CECR2: variants seen among roughly 807,000 people sequenced by gnomAD.
The protein encoded by CECR2 is chromatin remodeling regulator CECR2.
CECR2 carries 30 observed loss-of-function variants against 154.5 expected under a neutral mutation model. The ratio of observed to expected loss-of-function variants is 0.19; its 90% confidence interval spans 0.15 to 0.26. The LOEUF (loss-of-function observed/expected upper bound fraction) is 0.26. Ranked by LOEUF, CECR2 falls within the 10% of genes least tolerant of loss-of-function variation. CECR2 has a pLI of 1.00. For synonymous variants in CECR2, 725 were observed against 683.7 expected (o/e 1.06, Z -0.94); for missense variants, 1,743 against 1,829.3 (o/e 0.95, Z 0.86).
chr22:17,396,488 G>A (rs2053813706), intron 1 of CECR2, among the ~76,000 whole-genome samples: 1 of 152,132 alleles, frequency 6.6e-6, no homozygotes, highest in African/African-American at 2.4e-5. Flanking sequence ...CGGAGGTTGC[G>A]GTGAGCCGGG....
chr22:17,475,184 A>C (rs1028705987), intron 1 of CECR2, among the ~76,000 whole-genome samples: 2 of 152,176 alleles, frequency 1.3e-5, no homozygotes, highest in Non-Finnish European at 2.9e-5. Flanking sequence ...AAAGAACTGC[A>C]GTACAGTTCA....
intron 1 of CECR2, among the ~76,000 whole-genome samples, chr22:17,470,713 C>T (rs572784473): frequency 5.5e-4 from 84 of 152,254 alleles, no homozygotes; most frequent in Admixed American, 2.9e-3. Flanking sequence ...GTGTCTGAAA[C>T]TGTTCTTTCA....
chr22:17,529,850 ATACT>A (rs1199572645), intron 9 of CECR2, among the ~76,000 whole-genome samples: 2 of 152,244 alleles, frequency 1.3e-5, no homozygotes, highest in Non-Finnish European at 2.9e-5. Flanking sequence ...AAGCCATAAG[ATACT>A]TACAATAACC....
rs78100851 is a variant in CECR2, at chr22:17,452,488, G to A, written c.127-25100G>A. Among the ~76,000 whole-genome samples, 884 of 152,288 alleles carry A rather than the reference G, an allele frequency of 5.8e-3. 5 individuals are homozygous for A. The highest frequency in any genetic ancestry group is 0.02 in the Middle Eastern group (6 of 294). On this transcript the variant is annotated intron_variant, in intron 1 of 18. Transcript: ENST00000262608. ...TAGGGGAAAAAATGTGGTAGTGGAG[G>A]TAGAGGTAGTGAAAATCAGTCTCTT... is the stretch of plus-strand genomic sequence containing the variant.
intron 1 of CECR2, among the ~76,000 whole-genome samples, chr22:17,395,145 CTT>C (rs1458355026): frequency 1.3e-5 from 2 of 152,074 alleles, no homozygotes; most frequent in African/African-American, 4.8e-5. Flanking sequence ...CACTTATGTA[CTT>C]TTTGTCACTG....
chr22:17,393,467 T>A (rs771782684), intron 1 of CECR2, among the ~76,000 whole-genome samples: 10 of 152,258 alleles, frequency 6.6e-5, no homozygotes, highest in Non-Finnish European at 1.2e-4. Context: ...TAAATAATGC[T>A]GCTCTAAACA....
rs1156228969 is a variant in CECR2 at position 17,494,245 on chromosome 22, T to C, written c.222-3158T>C. ...CAGAGTAGCTGGGATTACAGGCATA[T>C]GCCACCACAACCGGCTAATTTTGTA... On this transcript the variant is annotated intron_variant, in intron 2 of 18. Transcript: ENST00000262608. Among the ~76,000 whole-genome samples the C allele has an allele frequency of 3.9e-5, 6 of 152,236 alleles. No individual in the cohort carries two copies. In the East Asian group the frequency reaches 1.2e-3, roughly 29 times the overall value.
intron 18 of CECR2, 57 bp from the exon 19 acceptor site, chr22:17,552,778 T>G (rs1433006050): frequency 7.5e-7 from 1 of 1,336,420 alleles, no homozygotes; most frequent in South Asian, 1.3e-5. Flanking sequence ...ACTTAAGTTT[T>G]TTTTTTTTTA....
chr22:17,378,954 A>T (rs1007934368), intron 1 of CECR2, among the ~76,000 whole-genome samples: 2 of 151,838 alleles, frequency 1.3e-5, no homozygotes, highest in African/African-American at 2.4e-5. Context: ...TGTTTTGTTA[A>T]TTTTTTTCTT....
At chr22:17,551,551 C>CT (rs2056708519) in intron 17 of CECR2, among the ~76,000 whole-genome samples, 1 of 152,120 alleles carries the variant, frequency 6.6e-6, no homozygotes, top group Non-Finnish European at 1.5e-5. Flanking sequence ...TGGTTCATAC[C>CT]TATAATCCCA....
rs759436015 is a variant in CECR2, at chr22:17,542,654, A to C, written c.2511A>C (p.Ser837=). The C allele has an allele frequency of 3.5e-5, 56 of 1,613,892 alleles. No individual in the cohort carries two copies. The highest frequency in any genetic ancestry group is 4.6e-5 in the Non-Finnish European group (54 of 1,179,900). ...SGFLPHGVPS[S]GYMRPPCKSA... is the part of the protein sequence containing the mutation. ...TCCTACCTCATGGAGTTCCTTCCTC[A>C]GGGTACATGCGACCGCCCTGCAAGT... Residue 837 remains serine (S), a synonymous_variant, in exon 16 of 19, where the codon TCA becomes TCC. Coordinates refer to ENST00000262608, the MANE Select transcript of CECR2 (RefSeq NM_001290047.2).
chr22:17,413,913 G>A (rs1287437701), intron 1 of CECR2, among the ~76,000 whole-genome samples: 5 of 150,234 alleles, frequency 3.3e-5, no homozygotes, highest in Non-Finnish European at 7.4e-5. Context: ...ACCTGACCTT[G>A]TGATCCGCCC....
rs2082568570 is a variant in CECR2 at position 17,557,825 on chromosome 22, C to G, written c.*4985C>G. On this transcript the variant is annotated 3_prime_UTR_variant, in exon 19 of 19. Coordinates refer to ENST00000262608, the MANE Select transcript of CECR2 (RefSeq NM_001290047.2). The stretch of plus-strand genomic sequence containing the variant: ...CCTCACTCTCCTGCCTTGTGCGTAG[C>G]TCCTGGGGCCCCGGTCAGTCCCCAG... The G allele has an allele frequency of 6.6e-6, 1 of 152,228 alleles. No individual in the cohort carries two copies. The allele number at this position is 152,228 out of a possible 1,614,324, so 9.4% of individuals were successfully genotyped here.
At chr22:17,402,237 G>T (rs888893633) in intron 1 of CECR2, among the ~76,000 whole-genome samples, 1 of 152,104 alleles carries the variant, frequency 6.6e-6, no homozygotes, top group Admixed American at 6.5e-5. Flanking sequence ...CACCTGCCTC[G>T]GCCTCCCAAA....
At chr22:17,481,803 G>T (rs531724582) in intron 2 of CECR2, among the ~76,000 whole-genome samples, 1 of 152,126 alleles carries the variant, frequency 6.6e-6, no homozygotes, top group Non-Finnish European at 1.5e-5. Context: ...AACCTAGTGC[G>T]CTACCAGTCA....
intron 5 of CECR2, among the ~76,000 whole-genome samples, chr22:17,502,418 T>C (rs2055755458): frequency 6.6e-6 from 1 of 152,150 alleles, no homozygotes; most frequent in Admixed American, 6.6e-5. Flanking sequence ...AACAGTTGCA[T>C]CTCTCTCTTG....
chr22:17,425,828 G>A (rs1180940477), intron 1 of CECR2, among the ~76,000 whole-genome samples: 1 of 152,110 alleles, frequency 6.6e-6, no homozygotes, highest in African/African-American at 2.4e-5. Context: ...ATGGTGGTGA[G>A]AATAAAGAAT....
At chr22:17,428,595 A>G (rs547521402) in intron 1 of CECR2, 7 of 152,274 alleles carry the variant, frequency 4.6e-5, no homozygotes, top group Middle Eastern at 3.4e-3. Context: ...AGTTTTCAAA[A>G]TATTGAGTTT....
intron 1 of CECR2, among the ~76,000 whole-genome samples, chr22:17,476,524 G>A (rs1402091609): frequency 6.6e-6 from 1 of 152,028 alleles, no homozygotes; most frequent in Non-Finnish European, 1.5e-5. Context: ...GGCCAGAGCC[G>A]TATTATTTCT....
Sources: allele counts gnomAD v4.1 joint callset (sites outside exome capture counted in the v4.1 genomes callset), GRCh38; gene constraint gnomAD v4.1.1; transcripts MANE v1.5; gene names NCBI Gene and HGNC (gene_info 2026-07-23, HGNC 2026-07-21).